Variants in ANKIB1 observed in about 807,000 individuals in gnomAD.
ANKIB1 encodes the protein ankyrin repeat and IBR domain-containing protein 1.
A neutral mutation model predicts 122.1 loss-of-function variants in ANKIB1; 43 were observed. The ratio of observed to expected loss-of-function variants is 0.35; its 90% CI spans 0.28 to 0.45. The LOEUF is 0.45. Among genes scored for constraint, ANKIB1 ranks in the 20% least tolerant of loss-of-function variants. The pLI, the probability that ANKIB1 is intolerant of heterozygous loss-of-function variation, is 1.00. For synonymous variants in ANKIB1, 390 were observed against 442.0 expected (o/e 0.88, Z 1.48); for missense variants, 992 against 1,329.5 (o/e 0.75, Z 3.95).
intron 11 of ANKIB1, among the ~76,000 whole-genome samples, chr7:92,382,742 G>A: frequency 6.6e-6 from 1 of 152,346 alleles, no homozygotes; most frequent in African/African-American, 2.4e-5. Context: ...TTAAAGCAGT[G>A]TGCAGAGGGA....
intron 5 of ANKIB1, among the ~76,000 whole-genome samples, chr7:92,329,200 T>C (rs1046063879): frequency 6.6e-6 from 1 of 152,108 alleles, no homozygotes. Context: ...ACTCCCAATC[T>C]AGGTGATCCA....
chr7:92,314,907 G>T (rs560984536), intron 3 of ANKIB1, among the ~76,000 whole-genome samples: 6 of 152,232 alleles, frequency 3.9e-5, no homozygotes, highest in Non-Finnish European at 8.8e-5. Context: ...CTGGGTTTGT[G>T]TGGTGGTACT....
At chr7:92,380,760 A>G (rs541658798) in intron 11 of ANKIB1, among the ~76,000 whole-genome samples, 2 of 152,356 alleles carry the variant, frequency 1.3e-5, no homozygotes, top group African/African-American at 4.8e-5. Flanking sequence ...GGTCACCATC[A>G]TCAAAGACCA....
Position 92,397,932 on chromosome 7 carries a change from T to G in ANKIB1, c.2532+73T>G, listed in dbSNP as rs1804935809. The G allele has an allele frequency of 4.0e-6, 6 of 1,515,526 alleles. No homozygotes were observed. The South Asian group carries it at 7.5e-5, about 19-fold the overall frequency. 93.9% of individuals were successfully genotyped at this position (1,515,526 alleles called of 1,614,324 possible). ...GCTGAGTGTGGTTTCCTGTTGTTAC[T>G]TTCATCGCTTTCCTATTTCTTCCTT... On this transcript the variant is annotated intron_variant, in intron 19 of 19. Coordinates refer to ENST00000265742, the MANE Select transcript of ANKIB1 (RefSeq NM_019004.2).
intron 2 of ANKIB1, among the ~76,000 whole-genome samples, chr7:92,296,677 C>T (rs1484937110): frequency 1.3e-5 from 2 of 152,126 alleles, no homozygotes; most frequent in African/African-American, 4.8e-5. Context: ...TAGCTTCTCT[C>T]TGCCTACCTA....
Position 92,291,491 on chromosome 7 carries a change from G to C in ANKIB1, c.-90-3398G>C, listed in dbSNP as rs1342321335. ...TTTTAAAAAAGAAAGAGTTATAAAGGCATTCACAATTAAAAGTTAATCAGA... is the reference window on the plus strand; with the variant it reads ...TTTTAAAAAAGAAAGAGTTATAAAGCCATTCACAATTAAAAGTTAATCAGA... On this transcript the variant is annotated intron_variant, in intron 1 of 19. Coordinates refer to ENST00000265742, the MANE Select transcript of ANKIB1 (RefSeq NM_019004.2). Among the ~76,000 whole-genome samples, 3 of 151,102 alleles carry C rather than the reference G, an allele frequency of 2.0e-5. No homozygotes were observed. The South Asian group carries it at 6.2e-4, about 31-fold the overall frequency.
At position 92,283,262 on chromosome 7, in the gene ANKIB1, T is replaced by G. The variant is rs11979677; in HGVS notation, c.-90-11627T>G. 7.1e-3 allele frequency among the ~76,000 whole-genome samples: 1,086 copies of G among 152,322 alleles called. 11 individuals are homozygous for G. The highest frequency in any genetic ancestry group is 0.025 in the African/African-American group (1,034 of 41,566). On this transcript the variant is annotated intron_variant, in intron 1 of 19. Transcript: ENST00000265742. ...GGAATAACAGAAAAGTGAATTTTAA[T>G]TCTGGAATTTATATTATAGGGAAGT...
At chr7:92,267,940 C>T (rs1396799016) in intron 1 of ANKIB1, among the ~76,000 whole-genome samples, 3 of 152,022 alleles carry the variant, frequency 2.0e-5, no homozygotes, top group South Asian at 2.1e-4. Context: ...AAGGAAGGGA[C>T]CTATTGCATA....
intron 10 of ANKIB1, among the ~76,000 whole-genome samples, chr7:92,370,214 G>A (rs7784492): frequency 0.031 from 4,670 of 152,010 alleles, 216 homozygotes; most frequent in African/African-American, 0.1. Flanking sequence ...ATGAAGAAAA[G>A]TTGGGTAATG....
chr7:92,383,589 C>T (rs1321775978), intron 11 of ANKIB1, among the ~76,000 whole-genome samples: 1 of 152,048 alleles, frequency 6.6e-6, no homozygotes, highest in African/African-American at 2.4e-5. Context: ...GTTCAACATA[C>T]ACAAATCAAT....
intron 5 of ANKIB1, among the ~76,000 whole-genome samples, chr7:92,330,484 T>C (rs910227289): frequency 6.6e-6 from 1 of 152,152 alleles, no homozygotes; most frequent in African/African-American, 2.4e-5. Flanking sequence ...AAGTAAATTC[T>C]ATAGAAAAAA....
chr7:92,381,195 AG>A (rs1229294723), intron 11 of ANKIB1, among the ~76,000 whole-genome samples: 4 of 152,210 alleles, frequency 2.6e-5, no homozygotes, highest in African/African-American at 4.8e-5. Context: ...GGGAGAAAAA[AG>A]AGTAAAAAGA....
intron 4 of ANKIB1, among the ~76,000 whole-genome samples, chr7:92,322,562 T>TA (rs1456830650): frequency 2.0e-5 from 3 of 152,150 alleles, no homozygotes; most frequent in African/African-American, 7.2e-5. Context: ...TGGTAACAGT[T>TA]TCTTAAGTGT....
rs956317798 is a variant in ANKIB1, at chr7:92,380,809, C to T, written c.1618-5700C>T. 7.9e-5 allele frequency among the ~76,000 whole-genome samples: 12 copies of T among 152,272 alleles called. No homozygotes were observed. The South Asian group carries it at 2.5e-3, about 32-fold the overall frequency. On this transcript the variant is annotated intron_variant, in intron 11 of 19. Coordinates refer to ENST00000265742, the MANE Select transcript of ANKIB1 (RefSeq NM_019004.2). ...CCACAAAGATGGGGAGAAGCCAGAG[C>T]AAAAAAGCTGAAAATTCTAAAAACC...
chr7:92,345,853 T>C (rs375995274), intron 7 of ANKIB1, among the ~76,000 whole-genome samples: 23 of 149,592 alleles, frequency 1.5e-4, no homozygotes, highest in Middle Eastern at 3.4e-3. Flanking sequence ...TAGAGAATAC[T>C]ATGTGGGTAA....
At position 92,363,705 on chromosome 7, in the gene ANKIB1, T is replaced by C. The variant is rs924122578; in HGVS notation, c.1486+1432T>C. ...TGAAGTGGCATTGAGAGAGATGGCCTGGCGGCCATGATACTTTACAGGCTT... is the reference window on the plus strand; with the variant it reads ...TGAAGTGGCATTGAGAGAGATGGCCCGGCGGCCATGATACTTTACAGGCTT... On this transcript the variant is annotated intron_variant, in intron 10 of 19. Coordinates refer to ENST00000265742, the MANE Select transcript of ANKIB1 (RefSeq NM_019004.2). 4.6e-5 allele frequency among the ~76,000 whole-genome samples: 7 copies of C among 152,356 alleles called. No homozygotes were observed. In the South Asian group the frequency reaches 1.4e-3, roughly 32 times the overall value.
chr7:92,319,621 A>G (rs1802862824), intron 4 of ANKIB1, 109 bp downstream of exon 4: 2 of 1,078,300 alleles, frequency 1.9e-6, no homozygotes, highest in Admixed American at 5.2e-5. Flanking sequence ...TCTTTACAGT[A>G]TTCTAAATAT....
Position 92,397,879 on chromosome 7 carries a change from TCATTGCCTGTGC to T in ANKIB1, c.2532+21_2532+32del. On this transcript the variant is annotated intron_variant, in intron 19 of 19. Transcript: ENST00000265742. ...CTTCAGGTAGCCTTTCTGAACAGCC[TCATTGCCTGTGC>T]TTTTACTCTTTCTCTGCTGAGTGTG... The T allele has an allele frequency of 1.3e-6, 2 of 1,596,024 alleles. No homozygotes were observed. Among genetic ancestry groups the T allele is most frequent in the Non-Finnish European group, 1.7e-6 (2 of 1,175,970 alleles).
intron 10 of ANKIB1, among the ~76,000 whole-genome samples, chr7:92,363,439 A>G (rs1234151440): frequency 1.2e-4 from 18 of 152,270 alleles, no homozygotes; most frequent in Middle Eastern, 3.4e-3. Flanking sequence ...CCACACTTAC[A>G]TGAGCAAAGC....
Sources: gnomAD v4.1 joint callset for allele counts (sites outside exome capture counted in the v4.1 genomes callset) on GRCh38, gnomAD v4.1.1 for gene constraint, MANE v1.5 for transcripts, NCBI Gene and HGNC (gene_info 2026-07-23, HGNC 2026-07-21) for gene names.